PRDM5: variants seen among roughly 807,000 people sequenced by gnomAD.
PRDM5 encodes PR/SET domain 5.
PRDM5 carries 56 observed loss-of-function variants against 81.2 expected under a neutral mutation model. That is an observed-to-expected ratio of 0.69 (90% CI 0.56 to 0.86). The LOEUF is 0.86. PRDM5 is among the 40% of genes least tolerant of loss of function. The pLI is 0.00. For missense variants in PRDM5, 697 were observed against 770.1 expected (o/e 0.91, Z 1.12); for synonymous variants, 267 against 256.4 (o/e 1.04, Z -0.39).
At chr4:120,737,040 A>T (rs1249300440) in intron 14 of PRDM5, among the ~76,000 whole-genome samples, 1 of 152,150 alleles carries the variant, frequency 6.6e-6, no homozygotes, top group African/African-American at 2.4e-5. Context: ...AGCTTGAAGA[A>T]TTGTACATAG....
rs985614929 is a variant in PRDM5 at position 120,766,696 on chromosome 4, G to A, written c.1537+10492C>T. Among the ~76,000 whole-genome samples, 4 of 152,286 alleles carry A rather than the reference G, an allele frequency of 2.6e-5. 1 individual carries two copies. In the South Asian group the frequency reaches 8.3e-4, roughly 32 times the overall value. ...TATATTGGAAAAAGTTTAAGCCTCG[G>A]TTTAGTTCTAGCTGAACCACATACA... On this transcript the variant is annotated intron_variant, in intron 13 of 15. Coordinates refer to ENST00000264808, the MANE Select transcript of PRDM5 (RefSeq NM_018699.4).
At position 120,805,676 on chromosome 4, in the gene PRDM5, A is replaced by T. The variant is rs139680560; in HGVS notation, c.945+5694T>A. 3.1e-3 allele frequency among the ~76,000 whole-genome samples: 471 copies of T among 152,326 alleles called. 3 individuals carry two copies. The highest frequency in any genetic ancestry group is 0.011 in the African/African-American group (464 of 41,576). On this transcript the variant is annotated intron_variant, in intron 8 of 15. Transcript: ENST00000264808. ...GCCCTTCATGCTAAAAACTCTCAAT[A>T]AACTAGGTACTGATGGGACATATCT... is the stretch of plus-strand genomic sequence containing the variant.
intron 3 of PRDM5, among the ~76,000 whole-genome samples, chr4:120,821,990 T>G (rs955760984): frequency 3.4e-5 from 5 of 147,068 alleles, no homozygotes; most frequent in African/African-American, 1.2e-4. Flanking sequence ...TATCAAGATA[T>G]TTTAGAAAGT....
intron 14 of PRDM5, among the ~76,000 whole-genome samples, chr4:120,721,693 T>C (rs1738631361): frequency 6.6e-6 from 1 of 152,206 alleles, no homozygotes; most frequent in African/African-American, 2.4e-5. Flanking sequence ...GAAGAAACAT[T>C]TGTTTAAAAA....
chr4:120,790,375 C>T (rs1750389107), intron 10 of PRDM5, among the ~76,000 whole-genome samples: 2 of 152,124 alleles, frequency 1.3e-5, no homozygotes, highest in Admixed American at 6.5e-5. Context: ...CATGAAGATA[C>T]AGTTTTCACA....
At chr4:120,688,559 T>C (rs947527473), downstream of PRDM5, among the ~76,000 whole-genome samples, 6 of 152,168 alleles carry the variant, frequency 3.9e-5, no homozygotes, top group Non-Finnish European at 5.9e-5. Flanking sequence ...CCAGATATGA[T>C]GCCATAAAGC....
intron 15 of PRDM5, among the ~76,000 whole-genome samples, chr4:120,701,602 T>C (rs1343043836): frequency 1.3e-4 from 20 of 152,192 alleles, no homozygotes; most frequent in Admixed American, 1.3e-3. Flanking sequence ...ATACTGCATA[T>C]TCTCTTATAA....
At chr4:120,854,900 C>T (rs1176757309) in intron 2 of PRDM5, among the ~76,000 whole-genome samples, 1 of 151,754 alleles carries the variant, frequency 6.6e-6, no homozygotes, top group Non-Finnish European at 1.5e-5. Context: ...AGGAGAAAGG[C>T]CTTCGGTTTG....
intron 2 of PRDM5, among the ~76,000 whole-genome samples, chr4:120,891,042 T>C (rs1368048035): frequency 5.9e-5 from 9 of 152,208 alleles, no homozygotes; most frequent in Non-Finnish European, 1.2e-4. Context: ...CATAAAGTCT[T>C]TGACAGGGCC....
chr4:120,921,269 A>C (rs913447795), intron 1 of PRDM5, among the ~76,000 whole-genome samples: 1 of 152,252 alleles, frequency 6.6e-6, no homozygotes, highest in African/African-American at 2.4e-5. Flanking sequence ...CCTTCAAAAA[A>C]TGTTGATTTT....
Position 120,922,553 on chromosome 4 carries a change from T to A in PRDM5, c.56A>T (p.Asp19Val). 6.2e-7 allele frequency: 1 copy of A among 1,610,826 alleles called. No homozygotes were observed. Among genetic ancestry groups the A allele is most frequent in the Non-Finnish European group, 8.5e-7 (1 of 1,179,034 alleles). Residue 19 changes from aspartate to valine, a missense_variant, in exon 1 of 16, where the codon GAC becomes GTC. Physicochemically the swap from Asp to Val is radical, Grantham distance 152. This residue lies in a region of PRDM5 where 577 missense variants were observed against 606.7 expected (regional missense o/e 0.95). Transcript: ENST00000264808. ...RFSLKSSRVQ[D>V]GMGLYTARRV... Reference sequence around the variant, plus strand: ...GCGGGCCGTGTAGAGCCCCATGCCGTCCTGAACCCGGGAGGACTTCAGGGA... The same window carrying A: ...GCGGGCCGTGTAGAGCCCCATGCCGACCTGAACCCGGGAGGACTTCAGGGA...
intron 2 of PRDM5, among the ~76,000 whole-genome samples, chr4:120,862,897 G>A (rs573298497): frequency 6.6e-6 from 1 of 152,052 alleles, no homozygotes; most frequent in East Asian, 1.9e-4. Flanking sequence ...AGTAGCTCAC[G>A]CCTGTAATCT....
intron 14 of PRDM5, among the ~76,000 whole-genome samples, chr4:120,711,353 C>G (rs564261836): frequency 1.1e-4 from 16 of 152,254 alleles, no homozygotes; most frequent in African/African-American, 3.6e-4. Context: ...GGCTGGAGTG[C>G]AGTGGCACGA....
chr4:120,700,378 C>G (rs75797037), intron 15 of PRDM5, among the ~76,000 whole-genome samples: 1 of 152,102 alleles, frequency 6.6e-6, no homozygotes, highest in Non-Finnish European at 1.5e-5. Flanking sequence ...TAGGAAACAC[C>G]ATTCTGGACA....
intron 10 of PRDM5, among the ~76,000 whole-genome samples, chr4:120,788,923 T>C (rs970243884): frequency 3.3e-5 from 5 of 152,236 alleles, no homozygotes; most frequent in African/African-American, 1.2e-4. Context: ...GTAAGATGCT[T>C]GCATGTTGCA....
intron 12 of PRDM5, 76 bp downstream of exon 12, chr4:120,781,067 C>T (rs1748963399): frequency 7.5e-6 from 9 of 1,203,668 alleles, no homozygotes; most frequent in African/African-American, 4.5e-5. Context: ...ATATAATTAT[C>T]ACATGTTAGT....
At chr4:120,834,541 C>T (rs149773049) in intron 3 of PRDM5, among the ~76,000 whole-genome samples, 1 of 152,258 alleles carries the variant, frequency 6.6e-6, no homozygotes, top group Admixed American at 6.5e-5. Context: ...AGCTACCCAG[C>T]ATCATCTATT....
rs200020290 is a variant in PRDM5 at position 120,892,193 on chromosome 4, G to GT, written c.177+15280dup. On this transcript the variant is annotated intron_variant, in intron 2 of 15. Coordinates refer to ENST00000264808, the MANE Select transcript of PRDM5 (RefSeq NM_018699.4). ...AAAGTGTGTTTGCTATGATTTTAGG[G>GT]TTTTTTTTTCTTTTTTAATTTGCTG... 3.9e-3 allele frequency among the ~76,000 whole-genome samples: 592 copies of GT among 151,060 alleles called. 1 individual carries two copies. Among genetic ancestry groups the GT allele is most frequent in the Middle Eastern group, 0.017 (5 of 294 alleles).
downstream of PRDM5, among the ~76,000 whole-genome samples, chr4:120,691,558 G>C (rs1367958265): frequency 6.6e-6 from 1 of 152,046 alleles, no homozygotes; most frequent in East Asian, 1.9e-4. Context: ...TTATATTTGT[G>C]AGCATCAAGT....
Sources: gnomAD v4.1 joint callset for allele counts (sites outside exome capture counted in the v4.1 genomes callset) on GRCh38, gnomAD v4.1.1 for gene constraint, gnomAD v4.1.1 regional missense constraint, MANE v1.5 for transcripts, NCBI Gene and HGNC (gene_info 2026-07-23, HGNC 2026-07-21) for gene names.